Variants in MYO1D observed in about 807,000 individuals in gnomAD.
The protein encoded by MYO1D is unconventional myosin-Id.
MYO1D carries 83 observed loss-of-function variants against 122.0 expected under a neutral mutation model. The observed-to-expected ratio is 0.68, with a 90% CI of 0.57 to 0.82. MYO1D has a LOEUF of 0.82. Ranked by LOEUF, MYO1D falls within the 40% of genes least tolerant of loss-of-function variation. The pLI, the probability that MYO1D is intolerant of heterozygous loss-of-function variation, is 0.00. For synonymous variants in MYO1D, 464 were observed against 446.9 expected (o/e 1.04, Z -0.48); for missense variants, 1,157 against 1,269.5 (o/e 0.91, Z 1.35).
At chr17:32,848,696 G>T (rs1263272035) in intron 1 of MYO1D, among the ~76,000 whole-genome samples, 1 of 152,126 alleles carries the variant, frequency 6.6e-6, no homozygotes, top group Admixed American at 6.5e-5. Flanking sequence ...TTTCTGTGGG[G>T]TATCAGTCCC....
intron 19 of MYO1D, among the ~76,000 whole-genome samples, chr17:32,649,745 T>A (rs1211136627): frequency 6.6e-6 from 1 of 151,992 alleles, no homozygotes; most frequent in Non-Finnish European, 1.5e-5. Context: ...CTAATTTTTG[T>A]ATTTTTAGTA....
intron 21 of MYO1D, among the ~76,000 whole-genome samples, chr17:32,595,927 G>A (rs2087487589): frequency 1.3e-5 from 2 of 152,170 alleles, no homozygotes; most frequent in African/African-American, 4.8e-5. Flanking sequence ...GACCTGGTGA[G>A]ACGATACATG....
intron 17 of MYO1D, among the ~76,000 whole-genome samples, chr17:32,657,092 GCAGCCATAAAAATCAC>G (rs1567933394): frequency 6.6e-6 from 1 of 152,182 alleles, no homozygotes; most frequent in African/African-American, 2.4e-5. Flanking sequence ...AACAACAGCT[GCAGCCATAAAAATCAC>G]CAGCCTCAAT....
At chr17:32,514,214 T>C (rs1173778169) in intron 21 of MYO1D, among the ~76,000 whole-genome samples, 1 of 120,432 alleles carries the variant, frequency 8.3e-6, no homozygotes, top group Non-Finnish European at 1.6e-5. Context: ...CACTCCAGCC[T>C]GGGCGACAGA....
chr17:32,600,370 C>T (rs1235766847), intron 21 of MYO1D, among the ~76,000 whole-genome samples: 1 of 152,218 alleles, frequency 6.6e-6, no homozygotes, highest in East Asian at 1.9e-4. Flanking sequence ...TCCTCTGAAG[C>T]TAGGCATTGA....
rs185796790 is a variant in MYO1D at position 32,771,142 on chromosome 17, C to G, written c.697G>C (p.Val233Leu). Residue 233 changes from valine to leucine, a missense_variant, in exon 6 of 22, where the codon GTG becomes CTG. Val to Leu is a conservative substitution (Grantham distance 32, BLOSUM62 1). Coordinates refer to ENST00000318217, the MANE Select transcript of MYO1D (RefSeq NM_015194.3). Reference protein sequence around the residue: ...KSLSSYNYIHVGAQLKSSIND... With the variant: ...KSLSSYNYIHLGAQLKSSIND... Reference sequence around the variant, plus strand: ...ATTCTCACCTTTAATTGAGCTCCCACATGAATATAGTTGTAGGATGAAAGG... The same window carrying G: ...ATTCTCACCTTTAATTGAGCTCCCAGATGAATATAGTTGTAGGATGAAAGG... The G allele has an allele frequency of 1.3e-5, 21 of 1,607,114 alleles. No homozygotes were observed. In the East Asian group the frequency reaches 4.2e-4, roughly 32 times the overall value.
chr17:32,856,012 C>T (rs543644897), intron 1 of MYO1D, among the ~76,000 whole-genome samples: 1 of 152,298 alleles, frequency 6.6e-6, no homozygotes, highest in African/African-American at 2.4e-5. Flanking sequence ...AATGACGGTA[C>T]CGAATTTTGC....
chr17:32,722,172 C>T (rs868644611), intron 14 of MYO1D, among the ~76,000 whole-genome samples: 1 of 152,074 alleles, frequency 6.6e-6, no homozygotes, highest in Non-Finnish European at 1.5e-5. Flanking sequence ...AAAGAAACTC[C>T]GATAGTACAT....
intron 20 of MYO1D, among the ~76,000 whole-genome samples, chr17:32,611,509 C>T (rs1401956576): frequency 6.6e-6 from 1 of 152,124 alleles, no homozygotes; most frequent in Non-Finnish European, 1.5e-5. Context: ...GTTATCTACA[C>T]AGGAAAATAA....
intron 21 of MYO1D, among the ~76,000 whole-genome samples, chr17:32,513,820 G>A (rs1467713127): frequency 1.3e-5 from 2 of 151,264 alleles, no homozygotes; most frequent in African/African-American, 4.9e-5. Flanking sequence ...AACGCCTTAA[G>A]ATTTCTTTCT....
Position 32,755,507 on chromosome 17 carries a change from A to C in MYO1D, c.1452T>G (p.His484Gln). Residue 484 changes from histidine (H) to glutamine (Q), a missense_variant, in exon 11 of 22, where the codon CAT (histidine) becomes CAG (glutamine). By Grantham distance (24) the His-to-Gln change is conservative (BLOSUM62 0). Transcript: ENST00000318217. ...AACACATTACCTTTCGGCTGGAAAA[A>C]TGGGCGTGTTTGCCCAATTTACTGT... Reference protein sequence around the residue: ...ALNSKLGKHAHFSSRKLCASD... With the variant: ...ALNSKLGKHAQFSSRKLCASD... The C allele has an allele frequency of 6.2e-7, 1 of 1,613,824 alleles. No homozygotes were observed. Among genetic ancestry groups the C allele is most frequent in the South Asian group, 1.1e-5 (1 of 91,044 alleles).
intron 21 of MYO1D, among the ~76,000 whole-genome samples, chr17:32,507,753 G>A (rs972838029): frequency 6.6e-6 from 1 of 152,158 alleles, no homozygotes; most frequent in African/African-American, 2.4e-5. Context: ...TGAGGTCATA[G>A]GAGCAGGGCC....
At chr17:32,822,495 G>T (rs140451722) in intron 1 of MYO1D, among the ~76,000 whole-genome samples, 7,376 of 144,350 alleles carry the variant, frequency 0.051, 578 homozygotes, top group African/African-American at 0.17. Flanking sequence ...CGCGTCCCCG[G>T]TCGGCGCGCC....
intron 8 of MYO1D, among the ~76,000 whole-genome samples, chr17:32,762,745 G>A (rs1400551277): frequency 6.6e-6 from 1 of 151,822 alleles, no homozygotes; most frequent in Non-Finnish European, 1.5e-5. Flanking sequence ...ATGGTGGCGG[G>A]TGCCTGTAAT....
chr17:32,722,865 T>C (rs991046673), intron 14 of MYO1D, among the ~76,000 whole-genome samples: 1 of 152,156 alleles, frequency 6.6e-6, no homozygotes, highest in Non-Finnish European at 1.5e-5. Context: ...AGGTGACTCA[T>C]AGCTGGGCAT....
At chr17:32,671,924 A>G (rs1332834609) in intron 16 of MYO1D, among the ~76,000 whole-genome samples, 1 of 152,206 alleles carries the variant, frequency 6.6e-6, no homozygotes, top group Non-Finnish European at 1.5e-5. Flanking sequence ...TTGTTCCATT[A>G]ATTTCAGATT....
chr17:32,717,692 C>T (rs952888536), intron 15 of MYO1D, among the ~76,000 whole-genome samples: 74 of 152,332 alleles, frequency 4.9e-4, no homozygotes, highest in African/African-American at 1.7e-3. Context: ...GCTCCTTCGT[C>T]TACTTGATCA....
chr17:32,873,777 G>C (rs547780672), intron 1 of MYO1D, among the ~76,000 whole-genome samples: 10 of 152,282 alleles, frequency 6.6e-5, no homozygotes, highest in East Asian at 1.9e-4. Flanking sequence ...ACCACAGCCA[G>C]TTCTCAGAGT....
chr17:32,814,031 A>G (rs755600696), intron 1 of MYO1D, among the ~76,000 whole-genome samples: 4 of 152,232 alleles, frequency 2.6e-5, no homozygotes, highest in African/African-American at 4.8e-5. Flanking sequence ...GTGACCTGCC[A>G]GAGTTCAGGT....
Sources: gnomAD v4.1 joint callset for allele counts (sites outside exome capture counted in the v4.1 genomes callset) on GRCh38, gnomAD v4.1.1 for gene constraint, MANE v1.5 for transcripts, NCBI Gene and HGNC (gene_info 2026-07-23, HGNC 2026-07-21) for gene names.